PLD5: variants seen among roughly 807,000 people sequenced by gnomAD.
PLD5 encodes phospholipase D family member 5, also known as inactive phospholipase D5.
In PLD5, 36 loss-of-function variants were observed where a neutral mutation model predicts 61.1. The observed-to-expected ratio is 0.59, with a 90% confidence interval of 0.45 to 0.78. The LOEUF (loss-of-function observed/expected upper bound fraction) is 0.78. Among genes scored for constraint, PLD5 ranks in the 30% least tolerant of loss-of-function variants. The pLI is 0.00. For synonymous variants in PLD5, 243 were observed against 242.8 expected (o/e 1.00, Z -0.01); for missense variants, 515 against 644.4 (o/e 0.80, Z 2.17).
At chr1:242,397,164 A>G (rs1663631797) in intron 1 of PLD5, among the ~76,000 whole-genome samples, 1 of 151,972 alleles carries the variant, frequency 6.6e-6, no homozygotes, top group East Asian at 1.9e-4. Flanking sequence ...CAATTTTGAC[A>G]TTTTTATCTC....
chr1:242,117,761 C>CT (rs567427302), intron 6 of PLD5, among the ~76,000 whole-genome samples: 322 of 152,190 alleles, frequency 2.1e-3, no homozygotes, highest in Middle Eastern at 3.4e-3. Context: ...TTGCTTTTTT[C>CT]TTTTTTTACC....
At chr1:242,460,894 C>T (rs1456979685) in intron 1 of PLD5, among the ~76,000 whole-genome samples, 1 of 150,912 alleles carries the variant, frequency 6.6e-6, no homozygotes. Flanking sequence ...AATCCCAGAA[C>T]TTTGTGAGGC....
In PLD5 at chr1:242,475,422, C is replaced by CAAA. The variant is rs5782239; in HGVS notation, c.189+48663_189+48665dup. 2.6e-4 allele frequency among the ~76,000 whole-genome samples: 24 copies of CAAA among 91,400 alleles called. 1 individual carries two copies. Among genetic ancestry groups the CAAA allele is most frequent in the Admixed American group, 5.7e-4 (5 of 8,818 alleles). The allele number at this position is 91,400 out of a possible 152,430, so 60.0% of individuals were successfully genotyped here. ...TGGGCGACAGAGCGAGACTCCGTCT[C>CAAA]AAAAAAAAAAAAAAAAAAAGAAAAC... On this transcript the variant is annotated intron_variant, in intron 1 of 9. Transcript: ENST00000536534.
Position 242,089,761 on chromosome 1 carries a change from A to T in PLD5, c.*93T>A. On this transcript the variant is annotated 3_prime_UTR_variant, in exon 10 of 10. Transcript: ENST00000536534. ...TTTTTATAAGTGTGCTTTTTCCCTAAAAAAAGAGACATATTAAAGTGTTTT... is the reference window on the plus strand; with the variant it reads ...TTTTTATAAGTGTGCTTTTTCCCTATAAAAAGAGACATATTAAAGTGTTTT... 1 of 1,499,158 alleles carries T rather than the reference A, an allele frequency of 6.7e-7. No individual in the cohort carries two copies. 92.9% of individuals were successfully genotyped at this position (1,499,158 alleles called of 1,614,324 possible).
chr1:242,314,496 G>A (rs1676889065), intron 2 of PLD5, among the ~76,000 whole-genome samples: 1 of 152,180 alleles, frequency 6.6e-6, no homozygotes, highest in African/African-American at 2.4e-5. Flanking sequence ...TTGCCCAAGT[G>A]TCCTCTAGTT....
chr1:242,341,500 A>G (rs1659830105), intron 2 of PLD5, among the ~76,000 whole-genome samples: 1 of 147,714 alleles, frequency 6.8e-6, no homozygotes, highest in African/African-American at 2.5e-5. Context: ...AAAAATATAA[A>G]GTAGTCAGCT....
chr1:242,522,119 G>A (rs1296199774), intron 1 of PLD5, among the ~76,000 whole-genome samples: 2 of 152,078 alleles, frequency 1.3e-5, no homozygotes, highest in African/African-American at 4.8e-5. Context: ...AGGGTGTGTA[G>A]AGAAAAACAT....
At chr1:242,108,917 T>C (rs1012936030) in intron 7 of PLD5, among the ~76,000 whole-genome samples, 1 of 152,162 alleles carries the variant, frequency 6.6e-6, no homozygotes, top group Non-Finnish European at 1.5e-5. Context: ...GCTCCTCCTG[T>C]CTCCCTTGCC....
intron 1 of PLD5, among the ~76,000 whole-genome samples, chr1:242,464,378 C>G (rs904896203): frequency 6.6e-6 from 1 of 152,174 alleles, no homozygotes; most frequent in African/African-American, 2.4e-5. Context: ...CCAAACTCAA[C>G]GCTGATCATC....
Position 242,475,171 on chromosome 1 carries a change from GCGTGTAGGCACACACA to G in PLD5, c.189+48901_189+48916del, listed in dbSNP as rs1476852640. Among the ~76,000 whole-genome samples, 4 of 152,284 alleles carry G rather than the reference GCGTGTAGGCACACACA, an allele frequency of 2.6e-5. No homozygotes were observed. In the South Asian group the frequency reaches 8.3e-4, roughly 32 times the overall value. The stretch of plus-strand genomic sequence containing the variant: ...GCCCAAGTAACATAGAGATGCATGT[GCGTGTAGGCACACACA>G]CGTGCGCACGCACACACACCCACAG... On this transcript the variant is annotated intron_variant, in intron 1 of 9. Coordinates refer to ENST00000536534, the MANE Select transcript of PLD5 (RefSeq NM_001372062.1).
At chr1:242,363,363 A>G (rs1487141554) in intron 1 of PLD5, among the ~76,000 whole-genome samples, 1 of 151,516 alleles carries the variant, frequency 6.6e-6, no homozygotes, top group East Asian at 1.9e-4. Context: ...AAATTAAAAA[A>G]TCATAAAAAG....
chr1:242,256,349 A>C lies in PLD5; in HGVS notation c.607+8988T>G, dbSNP rs988292855. On this transcript the variant is annotated intron_variant, in intron 4 of 9. Transcript: ENST00000536534. This position sits in a 1 kb window ranked among gnomAD's most constrained non-coding sequence, Gnocchi z 5.7. ...ATTTTAAAATCTCATGGGGAGAAAA[A>C]TCTGAAGATCTATTTCTCTATCTGA... Among the ~76,000 whole-genome samples, 6 of 152,258 alleles carry C rather than the reference A, an allele frequency of 3.9e-5. No individual in the cohort carries two copies. The highest frequency in any genetic ancestry group is 1.4e-4 in the African/African-American group (6 of 41,462).
chr1:242,261,588 T>G (rs1217673104), intron 4 of PLD5, among the ~76,000 whole-genome samples: 1 of 152,176 alleles, frequency 6.6e-6, no homozygotes, highest in Non-Finnish European at 1.5e-5. Context: ...TGAAGATATA[T>G]GAAATACATA....
chr1:242,249,039 T>G (rs1458481017), intron 4 of PLD5, among the ~76,000 whole-genome samples: 1 of 152,080 alleles, frequency 6.6e-6, no homozygotes, highest in Non-Finnish European at 1.5e-5. Flanking sequence ...TCCCAGCTAC[T>G]CGGGAGGCAG....
Position 242,390,021 on chromosome 1 carries a change from AT to A in PLD5, c.190-41780del, listed in dbSNP as rs1422047606. On this transcript the variant is annotated intron_variant, in intron 1 of 9. Coordinates refer to ENST00000536534, the MANE Select transcript of PLD5 (RefSeq NM_001372062.1). ...AATAATGATACAAATAATAATAATA[AT>A]TATTATTATTATTATTGAGATGAAG... Among the ~76,000 whole-genome samples the A allele has an allele frequency of 4.1e-3, 122 of 29,926 alleles. 1 individual carries two copies. In the East Asian group the frequency reaches 0.082, roughly 20 times the overall value. 19.6% of individuals were successfully genotyped at this position (29,926 alleles called of 152,430 possible).
At chr1:242,390,629 C>T (rs568002540) in intron 1 of PLD5, among the ~76,000 whole-genome samples, 14 of 152,054 alleles carry the variant, frequency 9.2e-5, no homozygotes, top group Non-Finnish European at 1.9e-4. Context: ...AGGGCTAAAG[C>T]AACAGAATAA....
intron 1 of PLD5, among the ~76,000 whole-genome samples, chr1:242,364,381 G>T (rs906128607): frequency 6.6e-6 from 1 of 152,164 alleles, no homozygotes; most frequent in Non-Finnish European, 1.5e-5. Flanking sequence ...TTACCAAAAT[G>T]GATCTATTCT....
intron 2 of PLD5, among the ~76,000 whole-genome samples, chr1:242,323,290 T>C (rs1243089075): frequency 1.3e-5 from 2 of 152,186 alleles, no homozygotes; most frequent in Non-Finnish European, 2.9e-5. Context: ...AAAAGTCACA[T>C]GTGTGGCTCG....
rs771994348 is a variant in PLD5 at position 242,288,510 on chromosome 1, A to G, written c.347T>C (p.Ile116Thr). The G allele has an allele frequency of 6.3e-7, 1 of 1,589,760 alleles. No homozygotes were observed. The highest frequency in any genetic ancestry group is 8.5e-7 in the Non-Finnish European group (1 of 1,172,558). The change falls in exon 3 of 10, where the codon ATT (isoleucine) becomes ACT (threonine). Residue 116 changes from isoleucine (I) to threonine (T), a missense_variant. Around this residue, in one of 2 missense-constraint regions of PLD5, gnomAD observed 450 missense variants for 598.1 expected, o/e 0.75. Coordinates refer to ENST00000536534, the MANE Select transcript of PLD5 (RefSeq NM_001372062.1). Reference protein sequence around the residue: ...NKCRIALVENIPEGLNYSENA... With the variant: ...NKCRIALVENTPEGLNYSENA... ...TTCTGAATAGTTAAGGCCTTCAGGAATATTTTCCACCAGGGCAATTCTTAG... is the reference window on the plus strand; with the variant it reads ...TTCTGAATAGTTAAGGCCTTCAGGAGTATTTTCCACCAGGGCAATTCTTAG...
Sources: allele counts gnomAD v4.1 joint callset (sites outside exome capture counted in the v4.1 genomes callset), GRCh38; gene constraint gnomAD v4.1.1; regional missense constraint gnomAD v4.1.1; non-coding constraint Gnocchi (gnomAD v3.1); transcripts MANE v1.5; gene names NCBI Gene and HGNC (gene_info 2026-07-23, HGNC 2026-07-21).